TMEM217B: variants seen among roughly 807,000 people sequenced by gnomAD.
The protein encoded by TMEM217B is putative transmembrane protein 217B.
chr6:37,218,198 C>G, the TMEM217B span: 1 of 1,217,952 alleles, frequency 8.2e-7, no homozygotes, highest in South Asian at 2.3e-5. Flanking sequence ...GGGACAGAGT[C>G]TTACTCTGTC....
the TMEM217B span, among the ~76,000 whole-genome samples, chr6:37,227,657 G>A: frequency 6.6e-6 from 1 of 151,938 alleles, no homozygotes; most frequent in African/African-American, 2.4e-5. Context: ...TGCTGTCCAG[G>A]CTGGTCTCAA....
chr6:37,214,057 C>T, the TMEM217B span, among the ~76,000 whole-genome samples: 1 of 152,232 alleles, frequency 6.6e-6, no homozygotes, highest in Non-Finnish European at 1.5e-5. Context: ...CTGCCACTAG[C>T]CTCCCTCCAG....
the TMEM217B span, among the ~76,000 whole-genome samples, chr6:37,220,993 TAGAC>T: frequency 2.0e-5 from 3 of 152,116 alleles, no homozygotes; most frequent in Non-Finnish European, 4.4e-5. Flanking sequence ...CATTTTTAAG[TAGAC>T]AGTTTAGTAG....
chr6:37,250,989 C>T, the TMEM217B span, among the ~76,000 whole-genome samples: 1 of 151,906 alleles, frequency 6.6e-6, no homozygotes, highest in African/African-American at 2.4e-5. Flanking sequence ...GATTACTGCC[C>T]TTTTAAGAGG....
At chr6:37,244,978 G>A in the TMEM217B span, among the ~76,000 whole-genome samples, 1 of 152,286 alleles carries the variant, frequency 6.6e-6, no homozygotes, top group African/African-American at 2.4e-5. Context: ...TCATCCAGCA[G>A]GCTAGCCTAG....
At chr6:37,257,034 CCTTAA>C in the TMEM217B span, among the ~76,000 whole-genome samples, 1 of 152,152 alleles carries the variant, frequency 6.6e-6, no homozygotes, top group Non-Finnish European at 1.5e-5. Flanking sequence ...GGAGATACAT[CCTTAA>C]CTTTGTGATT....
chr6:37,257,479 C>T, the TMEM217B span: 2 of 171,078 alleles, frequency 1.2e-5, no homozygotes, highest in Admixed American at 1.2e-4. Flanking sequence ...ATAGTATGTT[C>T]TCTCTTGCCA....
the TMEM217B span, among the ~76,000 whole-genome samples, chr6:37,255,434 C>T: frequency 6.6e-6 from 1 of 152,178 alleles, no homozygotes; most frequent in Admixed American, 6.5e-5. Context: ...GTAATACTAG[C>T]TCTCTGGGAG....
At chr6:37,245,491 C>A in the TMEM217B span, among the ~76,000 whole-genome samples, 4 of 152,208 alleles carry the variant, frequency 2.6e-5, no homozygotes, top group Non-Finnish European at 4.4e-5. Flanking sequence ...ATTAGCAGAG[C>A]CCACAACATG....
At chr6:37,257,810 A>G in the TMEM217B span, 1 of 1,248,222 alleles carries the variant, frequency 8.0e-7, no homozygotes, top group Admixed American at 2.2e-5. Context: ...GGAGCGGGTG[A>G]CCGGCGGCGG....
At chr6:37,253,070 A>C in the TMEM217B span, among the ~76,000 whole-genome samples, 1 of 152,166 alleles carries the variant, frequency 6.6e-6, no homozygotes, top group African/African-American at 2.4e-5. Context: ...TCTTTGACAA[A>C]ACCCATATAT....
the TMEM217B span, chr6:37,213,139 G>A: frequency 9.4e-6 from 6 of 640,114 alleles, no homozygotes; most frequent in African/African-American, 1.1e-4. Flanking sequence ...TAAGGGACAT[G>A]GGGTCTGGCC....
At chr6:37,242,001 G>T in the TMEM217B span, among the ~76,000 whole-genome samples, 1 of 148,884 alleles carries the variant, frequency 6.7e-6, no homozygotes, top group Non-Finnish European at 1.5e-5. Context: ...GGAAAAATTC[G>T]ATCTCAATTT....
At chr6:37,250,214 G>A in the TMEM217B span, among the ~76,000 whole-genome samples, 1 of 152,060 alleles carries the variant, frequency 6.6e-6, no homozygotes, top group African/African-American at 2.4e-5. Context: ...ATAAAAACAA[G>A]GGAATTATTA....
the TMEM217B span, among the ~76,000 whole-genome samples, chr6:37,256,960 A>G: frequency 6.6e-6 from 1 of 152,232 alleles, no homozygotes; most frequent in Admixed American, 6.5e-5. Flanking sequence ...TTGAAAATAA[A>G]TTCAAGGGTG....
chr6:37,231,678 A>G, the TMEM217B span, among the ~76,000 whole-genome samples: 5 of 148,260 alleles, frequency 3.4e-5, no homozygotes, highest in South Asian at 2.1e-4. Context: ...TCTCAAAAAA[A>G]AAAAAAAAAA....
chr6:37,215,276 G>A, the TMEM217B span: 2 of 1,613,546 alleles, frequency 1.2e-6, no homozygotes, highest in Non-Finnish European at 1.7e-6. Context: ...ATATGCTAGT[G>A]TGGAAGCTAG....
chr6:37,245,730 C>G, the TMEM217B span, among the ~76,000 whole-genome samples: 61 of 151,202 alleles, frequency 4.0e-4, no homozygotes, highest in Non-Finnish European at 7.4e-4. Context: ...AGGAGGAGGA[C>G]GAGGAGGAGG....
the TMEM217B span, among the ~76,000 whole-genome samples, chr6:37,245,253 G>T: frequency 6.6e-6 from 1 of 152,328 alleles, no homozygotes; most frequent in Admixed American, 6.5e-5. Context: ...ATAACACAGA[G>T]CTGGGTCACT....
Sources: gnomAD v4.1 joint callset for allele counts (sites outside exome capture counted in the v4.1 genomes callset) on GRCh38, gnomAD v4.1.1 for gene constraint, MANE v1.5 for transcripts, NCBI Gene and HGNC (gene_info 2026-07-23, HGNC 2026-07-21) for gene names.